COBL: variants seen among roughly 807,000 people sequenced by gnomAD.
The protein encoded by COBL is cordon-bleu WH2 repeat protein.
COBL carries 51 observed loss-of-function variants against 98.8 expected under a neutral mutation model. The observed-to-expected ratio is 0.52, with a 90% confidence interval of 0.41 to 0.65. COBL has a LOEUF of 0.65. Ranked by LOEUF, COBL falls within the 30% of genes least tolerant of loss-of-function variation. The pLI is 0.00. For synonymous variants in COBL, 634 were observed against 651.7 expected (o/e 0.97, Z 0.41); for missense variants, 1,617 against 1,617.5 (o/e 1.00, Z 0.01).
intron 6 of COBL, among the ~76,000 whole-genome samples, chr7:51,103,230 A>G (rs1015554544): frequency 2.6e-5 from 4 of 152,312 alleles, no homozygotes; most frequent in African/African-American, 9.6e-5. Context: ...TGAATACTTT[A>G]AAAATTTACA....
chr7:51,299,691 T>G (rs1033422420), intron 1 of COBL, among the ~76,000 whole-genome samples: 1 of 152,162 alleles, frequency 6.6e-6, no homozygotes, highest in African/African-American at 2.4e-5. Context: ...GGGTGGGCTG[T>G]CATCCTGAGC....
At chr7:51,290,603 A>G (rs931616229) in intron 1 of COBL, among the ~76,000 whole-genome samples, 1 of 152,112 alleles carries the variant, frequency 6.6e-6, no homozygotes, top group Non-Finnish European at 1.5e-5. Context: ...GGCTCGCCCC[A>G]CCCTGCTTAA....
intron 1 of COBL, among the ~76,000 whole-genome samples, chr7:51,304,878 G>C (rs1007472811): frequency 3.3e-5 from 5 of 152,130 alleles, no homozygotes; most frequent in Admixed American, 2.6e-4. Flanking sequence ...ACAGTCCCTC[G>C]AAGTGACAAA....
At chr7:51,264,499 C>T (rs1798001085) in intron 1 of COBL, among the ~76,000 whole-genome samples, 1 of 151,672 alleles carries the variant, frequency 6.6e-6, no homozygotes, top group African/African-American at 2.4e-5. Flanking sequence ...GGCAAAACCC[C>T]GTCTCTACTA....
Position 51,193,587 on chromosome 7 carries a change from T to C in COBL, c.248A>G (p.His83Arg), listed in dbSNP as rs1790325427. Residue 83 changes from histidine to arginine, a missense_variant and splice_region_variant, in exon 3 of 13, where the codon CAT (histidine) becomes CGT (arginine). Coordinates refer to ENST00000265136, the MANE Select transcript of COBL (RefSeq NM_015198.5). ...TTCAACCAGTAGGTCCATCATCGCA[T>C]GGCTGAAAAAAGGAAAACAAATCAT... is the stretch of plus-strand genomic sequence containing the variant. ...LEKRSVLNGS[H>R]AMMDLLVELC... The C allele has an allele frequency of 6.2e-7, 1 of 1,613,842 alleles. No individual in the cohort carries two copies. Among genetic ancestry groups the C allele is most frequent in the South Asian group, 1.1e-5 (1 of 91,018 alleles).
At chr7:51,190,390 T>C (rs1228505093) in intron 4 of COBL, among the ~76,000 whole-genome samples, 2 of 151,990 alleles carry the variant, frequency 1.3e-5, no homozygotes, top group Admixed American at 1.3e-4. Context: ...AATTTTAAAA[T>C]TTTTTTGTAG....
chr7:51,285,350 A>G (rs571402799), intron 1 of COBL, among the ~76,000 whole-genome samples: 23 of 152,144 alleles, frequency 1.5e-4, no homozygotes, highest in African/African-American at 5.3e-4. Flanking sequence ...TTTTCTAGAC[A>G]TACATAGCAA....
intron 5 of COBL, among the ~76,000 whole-genome samples, chr7:51,145,494 T>A (rs1404567637): frequency 1.3e-5 from 2 of 151,886 alleles, no homozygotes; most frequent in African/African-American, 4.8e-5. Flanking sequence ...TTCTCCTGCC[T>A]CCGCTTCCTG....
At chr7:51,244,293 C>G (rs1238309530) in intron 1 of COBL, among the ~76,000 whole-genome samples, 1 of 152,170 alleles carries the variant, frequency 6.6e-6, no homozygotes, top group East Asian at 1.9e-4. Flanking sequence ...CCCGGTGCCC[C>G]ATGACTGTAG....
intron 7 of COBL, among the ~76,000 whole-genome samples, chr7:51,082,802 G>A (rs1049887782): frequency 2.0e-5 from 3 of 152,184 alleles, no homozygotes; most frequent in African/African-American, 7.2e-5. Flanking sequence ...GCTCCTAGCT[G>A]ACATCTCTAC....
chr7:51,217,498 C>T (rs554831989), intron 2 of COBL, among the ~76,000 whole-genome samples: 8 of 151,822 alleles, frequency 5.3e-5, no homozygotes, highest in East Asian at 1.9e-4. Flanking sequence ...TGCGCCACCA[C>T]GCCTGGCTAA....
At chr7:51,134,698 T>C (rs1160888225) in intron 6 of COBL, among the ~76,000 whole-genome samples, 1 of 152,216 alleles carries the variant, frequency 6.6e-6, no homozygotes, top group African/African-American at 2.4e-5. Context: ...CAGGGGCATG[T>C]AGCTGGGAAA....
At chr7:51,052,794 C>T (rs1790365966) in intron 7 of COBL, among the ~76,000 whole-genome samples, 1 of 152,230 alleles carries the variant, frequency 6.6e-6, no homozygotes, top group South Asian at 2.1e-4. Context: ...CCTCCTTCTG[C>T]TGCTTTCTTC....
At chr7:51,067,871 A>C (rs772510500) in intron 7 of COBL, among the ~76,000 whole-genome samples, 8 of 152,202 alleles carry the variant, frequency 5.3e-5, no homozygotes, top group Non-Finnish European at 1.2e-4. Context: ...GGTGGCTGAA[A>C]TGTGCGGGTA....
At chr7:51,106,431 G>A (rs1796277373) in intron 6 of COBL, among the ~76,000 whole-genome samples, 1 of 152,170 alleles carries the variant, frequency 6.6e-6, no homozygotes, top group South Asian at 2.1e-4. Flanking sequence ...CTGGCAGATG[G>A]AGGAGGAAAA....
intron 5 of COBL, among the ~76,000 whole-genome samples, chr7:51,176,761 C>G (rs907636982): frequency 1.3e-5 from 2 of 152,180 alleles, no homozygotes; most frequent in Non-Finnish European, 2.9e-5. Context: ...TCACCTGACT[C>G]GTGGCTAAAA....
intron 5 of COBL, among the ~76,000 whole-genome samples, chr7:51,158,880 G>A (rs904805694): frequency 6.6e-6 from 1 of 152,058 alleles, no homozygotes; most frequent in Non-Finnish European, 1.5e-5. Context: ...CAGGGAAGGC[G>A]TGGGGGACAG....
intron 1 of COBL, among the ~76,000 whole-genome samples, chr7:51,240,073 A>T (rs995150304): frequency 2.0e-5 from 3 of 152,238 alleles, no homozygotes; most frequent in Non-Finnish European, 4.4e-5. Context: ...TTTCCTGTTA[A>T]TTTTTTTAAA....
intron 6 of COBL, among the ~76,000 whole-genome samples, chr7:51,122,843 G>T (rs12719035): frequency 0.052 from 7,899 of 152,158 alleles, 288 homozygotes; most frequent in Non-Finnish European, 0.083. Context: ...GCAGGGCATG[G>T]TGGCGCATGG....
Sources: gnomAD v4.1 joint callset for allele counts (sites outside exome capture counted in the v4.1 genomes callset) on GRCh38, gnomAD v4.1.1 for gene constraint, MANE v1.5 for transcripts, NCBI Gene and HGNC (gene_info 2026-07-23, HGNC 2026-07-21) for gene names.